NETO1: variants seen among roughly 807,000 people sequenced by gnomAD.
NETO1 encodes neuropilin and tolloid-like protein 1.
Under a neutral mutation model 61.3 loss-of-function variants are expected in NETO1, and 26 were observed. The ratio of observed to expected loss-of-function variants is 0.42; its 90% confidence interval spans 0.31 to 0.59. The LOEUF is 0.59. Ranked by LOEUF, NETO1 falls within the 20% of genes least tolerant of loss-of-function variation. NETO1 has a pLI of 0.12. For missense variants in NETO1, 531 were observed against 662.8 expected (o/e 0.80, Z 2.18); for synonymous variants, 225 against 225.8 (o/e 1.00, Z 0.03).
At position 72,859,079 on chromosome 18, in the gene NETO1, A is replaced by G. The variant is rs1055806554; in HGVS notation, c.221-5T>C. The G allele has an allele frequency of 6.3e-7, 1 of 1,585,322 alleles. No individual in the cohort carries two copies. Among genetic ancestry groups the G allele is most frequent in the Non-Finnish European group, 8.6e-7 (1 of 1,167,406 alleles). On this transcript the variant is annotated splice_polypyrimidine_tract_variant and splice_region_variant and intron_variant, in intron 3 of 10. Coordinates refer to ENST00000327305, the MANE Select transcript of NETO1 (RefSeq NM_138966.5). ...CAATGCACTGTCTTGGAGCGGCTGT[A>G]AAGAAGAAAGATTGTGTCTAGGAGG...
At chr18:72,797,155 C>T (rs1454689101) in intron 4 of NETO1, among the ~76,000 whole-genome samples, 2 of 152,112 alleles carry the variant, frequency 1.3e-5, no homozygotes, top group East Asian at 1.9e-4. Flanking sequence ...CTCATTATCT[C>T]CTTCTTGATT....
chr18:72,746,238 C>T lies in NETO1; in HGVS notation c.*1941G>A, dbSNP rs933134389. On this transcript the variant is annotated 3_prime_UTR_variant, in exon 11 of 11. Coordinates refer to ENST00000327305, the MANE Select transcript of NETO1 (RefSeq NM_138966.5). ...ATTATCATTCAAAGGGAAAGGAGTC[C>T]TCTGAAGATTTCTAAATGGAGAAAG... 3.9e-5 allele frequency among the ~76,000 whole-genome samples: 6 copies of T among 151,906 alleles called. No individual in the cohort carries two copies. In the South Asian group the frequency reaches 1.0e-3, roughly 26 times the overall value.
intron 6 of NETO1, among the ~76,000 whole-genome samples, chr18:72,790,348 A>G (rs981964613): frequency 6.6e-6 from 1 of 152,146 alleles, no homozygotes; most frequent in Non-Finnish European, 1.5e-5. Context: ...AATTTTAAAA[A>G]TATTTTAAAA....
chr18:72,801,564 C>T (rs1339475465), intron 4 of NETO1, among the ~76,000 whole-genome samples: 2 of 152,056 alleles, frequency 1.3e-5, no homozygotes, highest in Admixed American at 6.6e-5. Context: ...GTTTGTTCTC[C>T]GTGATTTTAC....
At chr18:72,768,542 C>T (rs1313399530) in intron 7 of NETO1, among the ~76,000 whole-genome samples, 1 of 152,162 alleles carries the variant, frequency 6.6e-6, no homozygotes, top group Non-Finnish European at 1.5e-5. Context: ...GTGAATGTTA[C>T]TTTATATGGA....
chr18:72,782,339 T>C (rs956421600), intron 7 of NETO1, among the ~76,000 whole-genome samples: 2 of 152,208 alleles, frequency 1.3e-5, no homozygotes, highest in Non-Finnish European at 2.9e-5. Context: ...TGTGTCTTTA[T>C]GACAGAACGA....
chr18:72,801,707 T>C (rs1353710207), intron 4 of NETO1, among the ~76,000 whole-genome samples: 1 of 152,366 alleles, frequency 6.6e-6, no homozygotes, highest in South Asian at 2.1e-4. Context: ...TAAGTATGTT[T>C]GCTGCTTTAT....
intron 4 of NETO1, among the ~76,000 whole-genome samples, chr18:72,851,563 T>C (rs1478575338): frequency 6.6e-6 from 1 of 152,136 alleles, no homozygotes; most frequent in Non-Finnish European, 1.5e-5. Context: ...TCAGTAATAA[T>C]AGGTATTTGA....
chr18:72,829,471 G>A (rs965253027), intron 4 of NETO1, among the ~76,000 whole-genome samples: 19 of 152,014 alleles, frequency 1.2e-4, no homozygotes, highest in African/African-American at 4.3e-4. Context: ...TATCATTACT[G>A]CTATGATAGC....
intron 7 of NETO1, among the ~76,000 whole-genome samples, chr18:72,756,518 A>G (rs2070788648): frequency 2.0e-5 from 3 of 152,138 alleles, no homozygotes; most frequent in African/African-American, 7.2e-5. Context: ...TACTGTGCAA[A>G]AACACCTAAT....
intron 4 of NETO1, among the ~76,000 whole-genome samples, chr18:72,829,482 AG>A (rs2073502458): frequency 6.6e-6 from 1 of 152,200 alleles, no homozygotes; most frequent in South Asian, 2.1e-4. Context: ...CTATGATAGC[AG>A]TTTTACAATC....
chr18:72,777,272 G>C (rs2071578546), intron 7 of NETO1, among the ~76,000 whole-genome samples: 1 of 152,054 alleles, frequency 6.6e-6, no homozygotes, highest in South Asian at 2.1e-4. Flanking sequence ...AAAAAAATTA[G>C]CCTGGTGTAG....
rs534496933 is a variant in NETO1 at position 72,746,074 on chromosome 18, T to A, written c.*2105A>T. ...TTAAGCAGGGAATCAGCATTCTGTA[T>A]ATTCAGGAGAAACTGGAGGGGACGG... is the stretch of plus-strand genomic sequence containing the variant. On this transcript the variant is annotated 3_prime_UTR_variant, in exon 11 of 11. Transcript: ENST00000327305. 1.3e-5 allele frequency: 2 copies of A among 152,166 alleles called. No individual in the cohort carries two copies. Among genetic ancestry groups the A allele is most frequent in the Admixed American group, 1.3e-4 (2 of 15,268 alleles). 9.4% of individuals were successfully genotyped at this position (152,166 alleles called of 1,614,324 possible).
intron 4 of NETO1, among the ~76,000 whole-genome samples, chr18:72,858,525 T>C (rs1394469226): frequency 2.6e-5 from 4 of 152,176 alleles, no homozygotes; most frequent in Non-Finnish European, 5.9e-5. Flanking sequence ...ATAGTTTCCT[T>C]ATCACAGACT....
intron 4 of NETO1, among the ~76,000 whole-genome samples, chr18:72,811,042 A>G (rs974657120): frequency 1.3e-5 from 2 of 152,160 alleles, no homozygotes; most frequent in Non-Finnish European, 2.9e-5. Context: ...AGAGCTTGCA[A>G]TTATTCTTTG....
Position 72,864,826 on chromosome 18 carries a change from A to G in NETO1, c.202T>C (p.Cys68Arg). The change falls in exon 3 of 11, where the codon TGC becomes CGC. Residue 68 changes from cysteine to arginine, a missense_variant. Coordinates refer to ENST00000327305, the MANE Select transcript of NETO1 (RefSeq NM_138966.5). ...CCCTTACCTTCTATGATGTAGATGC[A>G]TTCCCGGTCAGGGGGATACTTGCTG... ...YPSKYPPDRE[C>R]IYIIEAAPRQ... 1 of 1,613,800 alleles carries G rather than the reference A, an allele frequency of 6.2e-7. No homozygotes were observed. The highest frequency in any genetic ancestry group is 8.5e-7 in the Non-Finnish European group (1 of 1,179,944).
intron 7 of NETO1, among the ~76,000 whole-genome samples, chr18:72,773,373 C>T (rs2071440128): frequency 6.6e-6 from 1 of 152,084 alleles, no homozygotes; most frequent in Non-Finnish European, 1.5e-5. Context: ...TAAGTTTTCA[C>T]AGAGAAAGAA....
intron 9 of NETO1, among the ~76,000 whole-genome samples, chr18:72,749,776 T>C (rs912402164): frequency 1.3e-5 from 2 of 151,990 alleles, no homozygotes; most frequent in South Asian, 2.1e-4. Context: ...TTAAAAGCCA[T>C]CATTTTATAA....
chr18:72,858,053 A>G (rs987839797), intron 4 of NETO1, among the ~76,000 whole-genome samples: 2 of 152,158 alleles, frequency 1.3e-5, no homozygotes, highest in Admixed American at 1.3e-4. Flanking sequence ...CTGAAAACAA[A>G]CTATATAAAA....
Sources: allele counts gnomAD v4.1 joint callset (sites outside exome capture counted in the v4.1 genomes callset), GRCh38; gene constraint gnomAD v4.1.1; transcripts MANE v1.5; gene names NCBI Gene and HGNC (gene_info 2026-07-23, HGNC 2026-07-21).